Variants in EGFL6 observed in about 807,000 individuals in gnomAD.
EGFL6 encodes epidermal growth factor-like protein 6.
EGFL6 carries 42 observed loss-of-function variants against 43.1 expected under a neutral mutation model. The ratio of observed to expected loss-of-function variants is 0.98; its 90% CI spans 0.76 to 1.26. The LOEUF is 1.26. Among genes scored for constraint, EGFL6 ranks in the 50% most tolerant of loss-of-function variants. The probability of loss-of-function intolerance (pLI) is 0.00; values close to 1 mark genes in which losing one functional copy is unlikely to be tolerated. For missense variants in EGFL6, 429 were observed against 427.8 expected, an observed-to-expected ratio of 1.00 and a Z score of -0.02; for synonymous variants, 164 against 163.2, an observed-to-expected ratio of 1.01 and a Z score of -0.04.
At chrX:13,602,908 A>G (rs1279435225) in intron 4 of EGFL6, among the ~76,000 whole-genome samples, 1 of 112,147 alleles carries the variant, frequency 8.9e-6, no homozygotes, top group Non-Finnish European at 1.9e-5. Context: ...ATATGTATGG[A>G]GAGCTCTCCA....
chrX:13,612,200 C>T (rs1469980341), intron 7 of EGFL6, among the ~76,000 whole-genome samples: 2 of 110,008 alleles, frequency 1.8e-5, no homozygotes, highest in Non-Finnish European at 3.8e-5. Flanking sequence ...TGCGGCCTTC[C>T]GCAGTGTTTG....
intron 11 of EGFL6, among the ~76,000 whole-genome samples, chrX:13,631,508 G>C (rs905146966): frequency 1.8e-5 from 2 of 111,319 alleles, no homozygotes; most frequent in African/African-American, 3.3e-5. Context: ...CAGGCCGGGC[G>C]CAGTGGCTCA....
chrX:13,629,403 C>T (rs1053241489), intron 11 of EGFL6, among the ~76,000 whole-genome samples: 25 of 111,138 alleles, frequency 2.2e-4, no homozygotes, highest in African/African-American at 7.2e-4. Context: ...GGAGGGTATA[C>T]TAGCAAAACA....
At position 13,633,041 on chromosome X, in the gene EGFL6, C is replaced by T. The variant is rs373698462; in HGVS notation, c.1608C>T (p.Gly536=). 7 of 1,205,635 alleles carry T rather than the reference C, an allele frequency of 5.8e-6. No individual in the cohort carries two copies. Among genetic ancestry groups the T allele is most frequent in the South Asian group, 1.8e-5 (1 of 55,647 alleles). Residue 536 remains glycine (G), a synonymous_variant, in exon 12 of 12, where the codon GGC becomes GGT. Coordinates refer to ENST00000361306, the MANE Select transcript of EGFL6 (RefSeq NM_015507.4). Reference sequence around the variant, plus strand: ...AAACCGGCGAAATCGCAGTGGATGGCGTCTTGCTTGTTTCAGGCTTATGTC... The same window carrying T: ...AAACCGGCGAAATCGCAGTGGATGGTGTCTTGCTTGTTTCAGGCTTATGTC... ...KGKTGEIAVD[G]VLLVSGLCPD...
chrX:13,627,975 T>C (rs2045790762), intron 11 of EGFL6, among the ~76,000 whole-genome samples: 1 of 111,502 alleles, frequency 9.0e-6, no homozygotes, highest in African/African-American at 3.3e-5. Flanking sequence ...AGGTTTTTGT[T>C]GGGGGTCAGT....
intron 6 of EGFL6, 27 bp downstream of exon 6, chrX:13,606,540 T>C: frequency 8.3e-7 from 1 of 1,202,421 alleles, no homozygotes; most frequent in Non-Finnish European, 1.1e-6. Context: ...CCTTTTCCTT[T>C]TTTTCCTGTC....
intron 11 of EGFL6, among the ~76,000 whole-genome samples, chrX:13,630,748 G>A (rs1197997669): frequency 8.9e-6 from 1 of 111,994 alleles, no homozygotes; most frequent in African/African-American, 3.2e-5. Context: ...TCTTTGGAGA[G>A]CCAGAGAAAA....
intron 1 of EGFL6, among the ~76,000 whole-genome samples, chrX:13,582,494 A>G (rs1451888000): frequency 9.0e-6 from 1 of 111,609 alleles, no homozygotes; most frequent in African/African-American, 3.3e-5. Flanking sequence ...AATTCCTTAC[A>G]GCAGATAAGA....
In EGFL6 at chrX:13,603,349, T is replaced by C. The variant is rs918024966; in HGVS notation, c.433T>C (p.Tyr145His). The C allele has an allele frequency of 2.5e-6, 3 of 1,209,110 alleles. No homozygotes were observed. The African/African-American group carries it at 5.2e-5, about 21-fold the overall frequency. The change falls in exon 5 of 12, where the codon TAC becomes CAC. Residue 145 changes from tyrosine (Y) to histidine (H), a missense_variant. Transcript: ENST00000361306. ...GACATGTGCCATGATAAACTGTCAGTACAGCTGTGAAGACACAGAAGAAGG... is the reference window on the plus strand; with the variant it reads ...GACATGTGCCATGATAAACTGTCAGCACAGCTGTGAAGACACAGAAGAAGG... ...SRTCAMINCQ[Y>H]SCEDTEEGPQ...
At position 13,571,754 on chromosome X, in the gene EGFL6, T is replaced by G. The variant is rs762527290; in HGVS notation, c.74+1819T>G. On this transcript the variant is annotated intron_variant, in intron 1 of 11. Coordinates refer to ENST00000361306, the MANE Select transcript of EGFL6 (RefSeq NM_015507.4). Reference sequence around the variant, plus strand: ...TCAAGTTTATGAGCTGGTGTGTTTATTATTTGCTCAATGTGCTTGGAAATG... The same window carrying G: ...TCAAGTTTATGAGCTGGTGTGTTTAGTATTTGCTCAATGTGCTTGGAAATG... Among the ~76,000 whole-genome samples the G allele has an allele frequency of 8.6e-4, 97 of 112,419 alleles. 4 individuals are homozygous for G. Among genetic ancestry groups the G allele is most frequent in the Non-Finnish European group, 1.7e-4 (9 of 53,314 alleles).
intron 1 of EGFL6, among the ~76,000 whole-genome samples, chrX:13,586,045 G>C (rs1429135284): frequency 3.6e-5 from 4 of 112,187 alleles, no homozygotes; most frequent in Non-Finnish European, 7.5e-5. Flanking sequence ...TTTCAATCTT[G>C]TTTTCAAATC....
At chrX:13,628,098 C>T (rs1292515694) in intron 11 of EGFL6, among the ~76,000 whole-genome samples, 3 of 110,932 alleles carry the variant, frequency 2.7e-5, no homozygotes, top group East Asian at 2.8e-4. Flanking sequence ...ACATTGTTAC[C>T]ATAAACTATC....
intron 1 of EGFL6, among the ~76,000 whole-genome samples, chrX:13,577,887 G>A (rs2045482842): frequency 8.9e-6 from 1 of 111,934 alleles, no homozygotes; most frequent in South Asian, 3.7e-4. Context: ...ACAGGCCATT[G>A]CAGGCTCTGT....
chrX:13,615,665 T>C (rs982082702), intron 7 of EGFL6, among the ~76,000 whole-genome samples: 1 of 112,543 alleles, frequency 8.9e-6, no homozygotes, highest in Admixed American at 9.4e-5. Context: ...AGTCAGGCTG[T>C]CACAATGATA....
At chrX:13,577,355 C>A (rs1231710023) in intron 1 of EGFL6, among the ~76,000 whole-genome samples, 1 of 86,151 alleles carries the variant, frequency 1.2e-5, no homozygotes, top group African/African-American at 4.2e-5. Context: ...TACACACACA[C>A]ACATACAGTA....
chrX:13,585,446 T>C (rs765510284), intron 1 of EGFL6, among the ~76,000 whole-genome samples: 145 of 111,807 alleles, frequency 1.3e-3, no homozygotes, highest in Non-Finnish European at 2.2e-3. Flanking sequence ...TCTGTTACCC[T>C]GAACCCCTTG....
intron 5 of EGFL6, 64 bp from the exon 6 acceptor site, chrX:13,606,315 G>A (rs1015642451): frequency 2.3e-5 from 26 of 1,129,392 alleles, no homozygotes; most frequent in Non-Finnish European, 2.9e-5. Flanking sequence ...GTGAGTGTGC[G>A]TGCGTGCATG....
At chrX:13,595,640 A>C (rs1421053633) in intron 3 of EGFL6, among the ~76,000 whole-genome samples, 1 of 112,185 alleles carries the variant, frequency 8.9e-6, no homozygotes, top group African/African-American at 3.2e-5. Context: ...TGCTTTCTTG[A>C]ATGAATATTT....
At chrX:13,629,273 A>G (rs774667856) in intron 11 of EGFL6, among the ~76,000 whole-genome samples, 3 of 112,400 alleles carry the variant, frequency 2.7e-5, no homozygotes, top group Non-Finnish European at 5.6e-5. Flanking sequence ...CATGCTATAT[A>G]TGGATGATAT....
Sources: allele counts gnomAD v4.1 joint callset (sites outside exome capture counted in the v4.1 genomes callset), GRCh38; gene constraint gnomAD v4.1.1; transcripts MANE v1.5; gene names NCBI Gene and HGNC (gene_info 2026-07-23, HGNC 2026-07-21).